SLAMF8: variants seen among roughly 807,000 people sequenced by gnomAD.
SLAMF8 encodes the protein B lymphocyte activator macrophage expressed.
In SLAMF8, 23 loss-of-function variants were observed where a neutral mutation model predicts 29.0. The observed-to-expected ratio is 0.79, with a 90% CI of 0.57 to 1.13. The LOEUF is 1.13. Ranked by LOEUF, SLAMF8 falls within the 50% of genes most tolerant of loss-of-function variation. The pLI, the probability that SLAMF8 is intolerant of heterozygous loss-of-function variation, is 0.00. For synonymous variants in SLAMF8, 139 were observed against 145.6 expected, an observed-to-expected ratio of 0.96 and a Z score of 0.32; for missense variants, 381 against 353.1, an observed-to-expected ratio of 1.08 and a Z score of -0.63.
intron 2 of SLAMF8, among the ~76,000 whole-genome samples, chr1:159,831,971 A>G (rs1647518970): frequency 6.6e-6 from 1 of 152,178 alleles, no homozygotes; most frequent in African/African-American, 2.4e-5. Context: ...ACTGGCATTA[A>G]CGAGGTTTTT....
intron 4 of SLAMF8, chr1:159,834,572 G>A (rs1263350365): frequency 6.6e-6 from 1 of 152,340 alleles, no homozygotes; most frequent in Non-Finnish European, 1.5e-5. Flanking sequence ...TGTATTCGCA[G>A]AGTTGGGCAT....
chr1:159,835,076 A>C, intron 4 of SLAMF8, 108 bp from the exon 5 acceptor site: 3 of 984,358 alleles, frequency 3.0e-6, no homozygotes, highest in South Asian at 3.2e-5. Flanking sequence ...CCTTTACCTA[A>C]GGTGACCTTG....
rs1476435678 is a variant in SLAMF8 at position 159,830,159 on chromosome 1, C to A, written c.334C>A (p.Pro112Thr). The A allele has an allele frequency of 1.4e-5, 22 of 1,610,976 alleles. No individual in the cohort carries two copies. Among genetic ancestry groups the A allele is most frequent in the Non-Finnish European group, 1.7e-5 (20 of 1,177,896 alleles). ...GTTGATGGTGGACACAAGGGGCCAG[C>A]CCTGGACCCAGACCCTCCAGCTCAA... ...SVLMVDTRGQ[P>T]WTQTLQLKVY... Residue 112 changes from proline to threonine, a missense_variant, in exon 2 of 5, where the codon CCC becomes ACC. Coordinates refer to ENST00000289707, the MANE Select transcript of SLAMF8 (RefSeq NM_020125.3).
chr1:159,829,559 G>A (rs1037890363), intron 1 of SLAMF8, among the ~76,000 whole-genome samples: 28 of 152,134 alleles, frequency 1.8e-4, no homozygotes, highest in African/African-American at 5.6e-4. Flanking sequence ...ATCAAGGCTG[G>A]GTGAGATCCC....
chr1:159,832,658 G>T (rs1647569097), intron 2 of SLAMF8, among the ~76,000 whole-genome samples: 1 of 152,268 alleles, frequency 6.6e-6, no homozygotes, highest in South Asian at 2.1e-4. Flanking sequence ...AGGAGGTACA[G>T]CTGGAGAGAT....
intron 1 of SLAMF8, among the ~76,000 whole-genome samples, chr1:159,828,866 G>A (rs1328042696): frequency 6.6e-5 from 10 of 152,140 alleles, no homozygotes; most frequent in Admixed American, 6.5e-4. Context: ...TCAAGGAGAA[G>A]CGTCTCCCAT....
At chr1:159,831,503 G>A (rs985138427) in intron 2 of SLAMF8, among the ~76,000 whole-genome samples, 1 of 149,296 alleles carries the variant, frequency 6.7e-6, no homozygotes, top group Non-Finnish European at 1.5e-5. Flanking sequence ...ATGTCCTTGT[G>A]TAGTGAATAA....
intron 1 of SLAMF8, among the ~76,000 whole-genome samples, chr1:159,827,608 G>C (rs565715203): frequency 6.6e-6 from 1 of 152,104 alleles, no homozygotes; most frequent in Non-Finnish European, 1.5e-5. Context: ...CAACACTGCC[G>C]GGCCATGGAT....
chr1:159,836,138 G>A lies in SLAMF8; in HGVS notation c.*878G>A, dbSNP rs1647911809. ...CAAGAAAAGCAGCTCAGCTCAGGAT[G>A]AGTCTTCCTGCCTGAAACTGAGAGA... On this transcript the variant is annotated 3_prime_UTR_variant, in exon 5 of 5. Coordinates refer to ENST00000289707, the MANE Select transcript of SLAMF8 (RefSeq NM_020125.3). The A allele has an allele frequency of 1.0e-6, 1 of 985,460 alleles. No homozygotes were observed. Among genetic ancestry groups the A allele is most frequent in the Non-Finnish European group, 1.2e-6 (1 of 829,938 alleles). The allele number at this position is 985,460 out of a possible 1,614,324, so 61.0% of individuals were successfully genotyped here. A position where few individuals can be genotyped will look rare whatever the true frequency, so the allele number is the denominator to read the frequency against.
At position 159,837,025 on chromosome 1, in the gene SLAMF8, T is replaced by C. The variant is rs774849510; in HGVS notation, c.*1765T>C. ...AAGCCCAGGATCTGACAATGAGCCC[T>C]GGTGGATTTGTGGGGAAAAAATACA... is the stretch of plus-strand genomic sequence containing the variant. On this transcript the variant is annotated 3_prime_UTR_variant, in exon 5 of 5. Transcript: ENST00000289707. 2.0e-6 allele frequency: 2 copies of C among 985,336 alleles called. No individual in the cohort carries two copies. Among genetic ancestry groups the C allele is most frequent in the African/African-American group, 3.5e-5 (2 of 57,242 alleles). The allele number at this position is 985,336 out of a possible 1,614,324, so 61.0% of individuals were successfully genotyped here.
At chr1:159,827,002 C>T in intron 1 of SLAMF8, 64 bp downstream of exon 1, 3 of 1,598,038 alleles carry the variant, frequency 1.9e-6, no homozygotes, top group Non-Finnish European at 1.7e-6. Context: ...GCTGCCTATG[C>T]CAGACGTCTG....
rs750108937 is a variant in SLAMF8 at position 159,833,397 on chromosome 1, GGTGGAGGAA to G, written c.781+35_781+43del. 8.1e-6 allele frequency: 13 copies of G among 1,613,556 alleles called. No homozygotes were observed. In the South Asian group the frequency reaches 1.3e-4, roughly 16 times the overall value. The stretch of plus-strand genomic sequence containing the variant: ...AGGAGTCCTGCAGGTGCAGGAGGTA[GGTGGAGGAA>G]GTGGAGTTCCTGGGGAGGAGGGGGT... On this transcript the variant is annotated intron_variant, in intron 4 of 4. Transcript: ENST00000289707.
chr1:159,835,735 C>A lies in SLAMF8; in HGVS notation c.*475C>A. On this transcript the variant is annotated 3_prime_UTR_variant, in exon 5 of 5. Coordinates refer to ENST00000289707, the MANE Select transcript of SLAMF8 (RefSeq NM_020125.3). ...GCCAGCATCAGCTTCAGCCCCAGAC[C>A]CTGCAGTTTGAGATCTGATGCTTCC... The A allele has an allele frequency of 1.0e-6, 1 of 986,112 alleles. No individual in the cohort carries two copies. Among genetic ancestry groups the A allele is most frequent in the Non-Finnish European group, 1.2e-6 (1 of 830,446 alleles). 61.1% of individuals were successfully genotyped at this position (986,112 alleles called of 1,614,324 possible). A position where few individuals can be genotyped will look rare whatever the true frequency, so the allele number is the denominator to read the frequency against.
chr1:159,835,421 G>A lies in SLAMF8; in HGVS notation c.*161G>A, dbSNP rs1356840847. On this transcript the variant is annotated 3_prime_UTR_variant, in exon 5 of 5. Transcript: ENST00000289707. The stretch of plus-strand genomic sequence containing the variant: ...GCAGCCTGGGCAGCCATCACACCAC[G>A]AGGACAGGAAGCACCAGCACGTTTC... The A allele has an allele frequency of 3.6e-6, 5 of 1,403,072 alleles. No individual in the cohort carries two copies. The highest frequency in any genetic ancestry group is 5.4e-5 in the East Asian group (2 of 36,706). 86.9% of individuals were successfully genotyped at this position (1,403,072 alleles called of 1,614,324 possible). A position where few individuals can be genotyped will look rare whatever the true frequency, so the allele number is the denominator to read the frequency against.
rs1647894581 is a variant in SLAMF8 at position 159,835,913 on chromosome 1, G to A, written c.*653G>A. ...ATTGCAGTTGTAGACACCGAGGATG[G>A]TTGACAACCCATGGTTGAGATGGGC... On this transcript the variant is annotated 3_prime_UTR_variant, in exon 5 of 5. Transcript: ENST00000289707. 1.0e-6 allele frequency: 1 copy of A among 985,426 alleles called. No individual in the cohort carries two copies. The highest frequency in any genetic ancestry group is 1.2e-6 in the Non-Finnish European group (1 of 829,946). The allele number at this position is 985,426 out of a possible 1,614,324, so 61.0% of individuals were successfully genotyped here. A position where few individuals can be genotyped will look rare whatever the true frequency, so the allele number is the denominator to read the frequency against.
rs193020499 is a variant in SLAMF8, at chr1:159,829,004, C to T, written c.41-862C>T. On this transcript the variant is annotated intron_variant, in intron 1 of 4. Coordinates refer to ENST00000289707, the MANE Select transcript of SLAMF8 (RefSeq NM_020125.3). ...ATCCCAAGGACCTGGGAGCCGTCCT[C>T]GACTCCTTTTTCTCCTTCACTCCCC... Among the ~76,000 whole-genome samples the T allele has an allele frequency of 8.5e-5, 13 of 152,266 alleles. No homozygotes were observed. The East Asian group carries it at 2.3e-3, about 27-fold the overall frequency.
rs766264220 is a variant in SLAMF8 at position 159,833,265 on chromosome 1, C to T, written c.677C>T (p.Pro226Leu). Residue 226 changes from proline to leucine, a missense_variant, in exon 4 of 5, where the codon CCA becomes CTA. Transcript: ENST00000289707. Reference sequence around the variant, plus strand: ...AACCCCACCCCTCCATGTTCAGCACCAGGGAAGGCCTCCTACAAAGATGTG... The same window carrying T: ...AACCCCACCCCTCCATGTTCAGCACTAGGGAAGGCCTCCTACAAAGATGTG... The part of the protein sequence containing the change: ...PWDSCHHEAA[P>L]GKASYKDVLL... 13 of 1,614,008 alleles carry T rather than the reference C, an allele frequency of 8.1e-6. No homozygotes were observed. In the Admixed American group the frequency reaches 2.2e-4, roughly 27 times the overall value.
chr1:159,829,071 T>A (rs1467591916), intron 1 of SLAMF8, among the ~76,000 whole-genome samples: 1 of 152,156 alleles, frequency 6.6e-6, no homozygotes, highest in Non-Finnish European at 1.5e-5. Context: ...ACACACCATC[T>A]TCGTGTTTCT....
chr1:159,829,002 C>T (rs964332998), intron 1 of SLAMF8, among the ~76,000 whole-genome samples: 1 of 152,142 alleles, frequency 6.6e-6, no homozygotes, highest in Non-Finnish European at 1.5e-5. Context: ...GGGAGCCGTC[C>T]TCGACTCCTT....
Sources: gnomAD v4.1 joint callset for allele counts (sites outside exome capture counted in the v4.1 genomes callset) on GRCh38, gnomAD v4.1.1 for gene constraint, MANE v1.5 for transcripts, NCBI Gene and HGNC (gene_info 2026-07-23, HGNC 2026-07-21) for gene names.